The following CACNA2D4 variants were observed in gnomAD, a reference collection of about 807,000 sequenced individuals.
CACNA2D4 encodes calcium voltage-gated channel auxiliary subunit alpha2delta 4.
CACNA2D4 carries 157 observed loss-of-function variants against 163.8 expected under a neutral mutation model. That is an observed-to-expected ratio of 0.96 (90% confidence interval 0.84 to 1.09). The LOEUF is 1.09. Among genes scored for constraint, CACNA2D4 ranks in the 50% least tolerant of loss-of-function variants. The pLI is 0.00. For synonymous variants in CACNA2D4, 598 were observed against 586.9 expected, an observed-to-expected ratio of 1.02 and a Z score of -0.27; for missense variants, 1,410 against 1,479.9, an observed-to-expected ratio of 0.95 and a Z score of 0.78.
At chr12:1,889,372 T>C (rs1329024159) in intron 6 of CACNA2D4, among the ~76,000 whole-genome samples, 1 of 152,194 alleles carries the variant, frequency 6.6e-6, no homozygotes, top group East Asian at 1.9e-4. Flanking sequence ...TGTGTCTGAT[T>C]TGTGGGGATG....
intron 36 of CACNA2D4, 101 bp from the exon 37 acceptor site, chr12:1,795,482 T>C (rs1466426671): frequency 3.4e-6 from 4 of 1,190,020 alleles, no homozygotes; most frequent in Non-Finnish European, 4.8e-6. Context: ...CCAGTTGCCC[T>C]GCAAGCAGCT....
At position 1,879,001 on chromosome 12, in the gene CACNA2D4, T is replaced by TGAGCCCACCACACCC; in HGVS notation, c.1584_1598dup (p.Gly529_Ser533dup). On this transcript the variant is annotated inframe_insertion, in exon 15 of 38. Transcript: ENST00000382722. ...TCATCAGCTCTCTCAGGGCCACATC[T>TGAGCCCACCACACCC]GAGCCCACCACACCCAGGAGAATGC... The TGAGCCCACCACACCC allele has an allele frequency of 1.2e-6, 2 of 1,613,640 alleles. No homozygotes were observed. The highest frequency in any genetic ancestry group is 1.7e-6 in the Non-Finnish European group (2 of 1,179,776).
rs960137219 is a variant in CACNA2D4 at position 1,828,639 on chromosome 12, T to C, written c.2551+12100A>G. Among the ~76,000 whole-genome samples, 2 of 152,226 alleles carry C rather than the reference T, an allele frequency of 1.3e-5. No individual in the cohort carries two copies. The highest frequency in any genetic ancestry group is 2.9e-5 in the Non-Finnish European group (2 of 68,026). On this transcript the variant is annotated intron_variant, in intron 26 of 37. Transcript: ENST00000382722. The surrounding 1 kb of genome is among the most constrained non-coding windows in gnomAD (Gnocchi z 4.2). ...TCCCGTGGGGAACTGCCCCCTTGGC[T>C]GGCCTCGGCCAGGAGCTGGGTCAGC...
chr12:1,895,736 A>T (rs1385082761), intron 6 of CACNA2D4, among the ~76,000 whole-genome samples: 5 of 152,166 alleles, frequency 3.3e-5, no homozygotes, highest in Non-Finnish European at 7.4e-5. Flanking sequence ...GGCTCAAGCA[A>T]TCCTCCCACC....
At chr12:1,848,628 T>G (rs1319952184) in intron 23 of CACNA2D4, among the ~76,000 whole-genome samples, 1 of 152,186 alleles carries the variant, frequency 6.6e-6, no homozygotes. Context: ...AATTTATTCT[T>G]TTTGTTTCTT....
chr12:1,882,938 C>T lies in CACNA2D4; in HGVS notation c.1414G>A (p.Val472Met), dbSNP rs376796899. 1.2e-5 allele frequency: 19 copies of T among 1,613,468 alleles called. No homozygotes were observed. The highest frequency in any genetic ancestry group is 1.6e-4 in the Middle Eastern group (1 of 6,084). The change falls in exon 13 of 38, where the codon GTG becomes ATG. Residue 472 changes from valine to methionine, a missense_variant. Transcript: ENST00000382722. Reference protein sequence around the residue: ...TQENVMEYLHVLSRPMVINHD... With the variant: ...TQENVMEYLHMLSRPMVINHD... ...TTGATGACCATGGGGCGGCTGAGCA[C>T]GTGCAGGTATTCCATCACGTTCTCC... is the stretch of plus-strand genomic sequence containing the variant.
rs1177768824 is a variant in CACNA2D4, at chr12:1,799,571, C to G, written c.2995+104G>C. The G allele has an allele frequency of 8.0e-7, 1 of 1,250,794 alleles. No individual in the cohort carries two copies. Among genetic ancestry groups the G allele is most frequent in the East Asian group, 2.5e-5 (1 of 39,360 alleles). 77.5% of individuals were successfully genotyped at this position (1,250,794 alleles called of 1,614,324 possible). On this transcript the variant is annotated intron_variant, in intron 34 of 37. Transcript: ENST00000382722. This position sits in a 1 kb window ranked among gnomAD's most constrained non-coding sequence, Gnocchi z 4.7. ...TTTAAACCAGGAGAGCTCAGCCCTGCTTGGGGTCATTCCTGGGACAGGTCA... is the reference window on the plus strand; with the variant it reads ...TTTAAACCAGGAGAGCTCAGCCCTGGTTGGGGTCATTCCTGGGACAGGTCA...
intron 26 of CACNA2D4, among the ~76,000 whole-genome samples, chr12:1,819,781 G>T (rs1864020139): frequency 1.3e-5 from 2 of 152,184 alleles, no homozygotes; most frequent in Non-Finnish European, 2.9e-5. Context: ...ACAGATAAGA[G>T]CAAGGAGCCC....
At chr12:1,860,368 C>T (rs1565715439) in intron 18 of CACNA2D4, among the ~76,000 whole-genome samples, 162 bp from the exon 19 acceptor site, 1 of 152,214 alleles carries the variant, frequency 6.6e-6, no homozygotes, top group Non-Finnish European at 1.5e-5. Context: ...TAGTGACACC[C>T]ATAGGCAGAT....
intron 14 of CACNA2D4, 21 bp downstream of exon 14, chr12:1,879,783 T>C (rs1438074443): frequency 6.4e-7 from 1 of 1,573,878 alleles, no homozygotes; most frequent in Non-Finnish European, 8.6e-7. Context: ...TGCTACAACG[T>C]CTCCAGGAGC....
chr12:1,805,901 C>G (rs1478604658), intron 29 of CACNA2D4, among the ~76,000 whole-genome samples: 1 of 152,180 alleles, frequency 6.6e-6, no homozygotes, highest in Non-Finnish European at 1.5e-5. Flanking sequence ...GGGCCGCAGG[C>G]GGCAGGGAAG....
intron 16 of CACNA2D4, among the ~76,000 whole-genome samples, chr12:1,876,486 T>C (rs551220112): frequency 5.9e-5 from 9 of 152,302 alleles, no homozygotes; most frequent in African/African-American, 2.2e-4. Context: ...GCAAAGAGGA[T>C]AGTTTATCAT....
At chr12:1,859,833 C>G (rs746403113) in intron 19 of CACNA2D4, among the ~76,000 whole-genome samples, 1 of 152,336 alleles carries the variant, frequency 6.6e-6, no homozygotes, top group Non-Finnish European at 1.5e-5. Flanking sequence ...GGCTGCTGGA[C>G]GCTGATGAGC....
chr12:1,903,720 C>A (rs1171005780), intron 6 of CACNA2D4, among the ~76,000 whole-genome samples: 3 of 151,916 alleles, frequency 2.0e-5, no homozygotes, highest in Non-Finnish European at 4.4e-5. Flanking sequence ...CAGGCAATTG[C>A]AAATGCTGGC....
In CACNA2D4 at chr12:1,883,272, G is replaced by A. The variant is rs1228710266; in HGVS notation, c.1352-272C>T. Among the ~76,000 whole-genome samples the A allele has an allele frequency of 2.0e-5, 3 of 152,310 alleles. No individual in the cohort carries two copies. Among genetic ancestry groups the A allele is most frequent in the African/African-American group, 4.8e-5 (2 of 41,568 alleles). ...TCCGGAAGGAGCAGCAGGGCCTGAC[G>A]CAAGAGTGTTGGGGGTCAGCCTCTC... is the stretch of plus-strand genomic sequence containing the variant. On this transcript the variant is annotated intron_variant, in intron 12 of 37. Transcript: ENST00000382722. The surrounding 1 kb of genome is among the most constrained non-coding windows in gnomAD (Gnocchi z 4.5).
At chr12:1,866,787 A>ATTTTTT (rs34111398) in intron 18 of CACNA2D4, among the ~76,000 whole-genome samples, 2 of 136,528 alleles carry the variant, frequency 1.5e-5, no homozygotes, top group Non-Finnish European at 1.5e-5. Flanking sequence ...CACCTGGCTA[A>ATTTTTT]TTTTTTTTTT....
chr12:1,795,175 G>A (rs1435380732), intron 37 of CACNA2D4, 124 bp downstream of exon 37: 1 of 756,130 alleles, frequency 1.3e-6, no homozygotes. Context: ...TTTCCCCCGA[G>A]AAGCACAGGC....
At chr12:1,908,275 G>A (rs146779567) in intron 4 of CACNA2D4, among the ~76,000 whole-genome samples, 13 of 152,228 alleles carry the variant, frequency 8.5e-5, no homozygotes, top group Non-Finnish European at 1.3e-4. Flanking sequence ...TGTCCTGACC[G>A]CTGCCTCAGT....
chr12:1,880,240 CAG>C (rs1865966197), intron 13 of CACNA2D4, among the ~76,000 whole-genome samples: 1 of 152,246 alleles, frequency 6.6e-6, no homozygotes, highest in African/African-American at 2.4e-5. Flanking sequence ...TGCCCAGAAA[CAG>C]AGAGGCTTTG....
Sources: gnomAD v4.1 joint callset for allele counts (sites outside exome capture counted in the v4.1 genomes callset) on GRCh38, gnomAD v4.1.1 for gene constraint, Gnocchi (gnomAD v3.1) non-coding constraint, MANE v1.5 for transcripts, NCBI Gene and HGNC (gene_info 2026-07-23, HGNC 2026-07-21) for gene names.